The following ABCC6 variants were observed in gnomAD, a reference collection of about 807,000 sequenced individuals.
ABCC6 encodes ATP-binding cassette sub-family C member 6.
In ABCC6, 126 loss-of-function variants were observed where a neutral mutation model predicts 169.5. The observed-to-expected ratio is 0.74, with a 90% CI of 0.64 to 0.86. The LOEUF (loss-of-function observed/expected upper bound fraction) is 0.86, where lower values mean the gene tolerates loss of function less well. ABCC6 is among the 40% of genes least tolerant of loss of function. The pLI is 0.00. For missense variants in ABCC6, 1,733 were observed against 1,927.2 expected (o/e 0.90, Z 1.89); for synonymous variants, 752 against 814.7 (o/e 0.92, Z 1.31).
chr16:16,170,919 C>CAAAA (rs1220574453), intron 21 of ABCC6, among the ~76,000 whole-genome samples: 3 of 22,282 alleles, frequency 1.3e-4, no homozygotes, highest in African/African-American at 4.7e-4. Context: ...AACTCTGTCT[C>CAAAA]AAAAAAAAAA....
Position 16,221,832 on chromosome 16 carries a change from C to T in ABCC6, c.37-1G>A, listed in dbSNP as rs72657702. 18 of 1,612,818 alleles carry T rather than the reference C, an allele frequency of 1.1e-5. No individual in the cohort carries two copies. The highest frequency in any genetic ancestry group is 1.5e-5 in the Non-Finnish European group (18 of 1,179,686). On this transcript the variant is annotated splice_acceptor_variant, in intron 1 of 30. Coordinates refer to ENST00000205557, the MANE Select transcript of ABCC6 (RefSeq NM_001171.6). LOFTEE classifies it high-confidence loss of function. Reference sequence around the variant, plus strand: ...GTTCAGGCTCTGTCTGGTTCCAGACCTGAGGGAACACAAAGAGGACCCTTA... The same window carrying T: ...GTTCAGGCTCTGTCTGGTTCCAGACTTGAGGGAACACAAAGAGGACCCTTA...
In ABCC6 at chr16:16,222,549, A is replaced by AT. The variant is rs780727081; in HGVS notation, c.37-719dup. 9.7e-3 allele frequency among the ~76,000 whole-genome samples: 1,413 copies of AT among 145,966 alleles called. 12 individuals are homozygous for AT. Among genetic ancestry groups the AT allele is most frequent in the Non-Finnish European group, 0.013 (837 of 65,948 alleles). ...TAAGCAGCCTCACCAGGCCTGGCTA[A>AT]TTTTTTTTTTTTATGTTTTGTAGAG... is the stretch of plus-strand genomic sequence containing the variant. On this transcript the variant is annotated intron_variant, in intron 1 of 30. Coordinates refer to ENST00000205557, the MANE Select transcript of ABCC6 (RefSeq NM_001171.6).
At chr16:16,177,685 G>A (rs1009629642) in intron 18 of ABCC6, 59 bp from the exon 19 acceptor site, 5 of 1,598,476 alleles carry the variant, frequency 3.1e-6, no homozygotes, top group Admixed American at 3.3e-5. Flanking sequence ...GCTCATGCCT[G>A]TAATCCCAAC....
In ABCC6 at chr16:16,203,509, A is replaced by G. The variant is rs991363068; in HGVS notation, c.899T>C (p.Leu300Pro). The G allele has an allele frequency of 6.2e-7, 1 of 1,614,000 alleles. No homozygotes were observed. The highest frequency in any genetic ancestry group is 8.5e-7 in the Non-Finnish European group (1 of 1,179,870). The stretch of plus-strand genomic sequence containing the variant: ...ATGGAACACCTGCCAGATGGCCTTC[A>G]GCAGTGGGCGCCACTGGCTCCCTTC... ...RQEGSQWRPLLKAIWQVFHST... is the reference protein window; with the variant it reads ...RQEGSQWRPLPKAIWQVFHST... The change falls in exon 8 of 31, where the codon CTG becomes CCG. Residue 300 changes from leucine (L) to proline (P), a missense_variant. Around this residue, in one of 5 missense-constraint regions of ABCC6, gnomAD observed 1,601 missense variants for 1,635.5 expected, o/e 0.98. Coordinates refer to ENST00000205557, the MANE Select transcript of ABCC6 (RefSeq NM_001171.6).
At chr16:16,205,525 T>C (rs1421991809) in intron 7 of ABCC6, among the ~76,000 whole-genome samples, 2 of 152,054 alleles carry the variant, frequency 1.3e-5, no homozygotes, top group African/African-American at 2.4e-5. Flanking sequence ...ATCTGGTGTT[T>C]GGTTTGGCAT....
In ABCC6 at chr16:16,161,315, G is replaced by C. The variant is rs994247781; in HGVS notation, c.3633+123C>G. On this transcript the variant is annotated intron_variant, in intron 25 of 30. Transcript: ENST00000205557. Reference sequence around the variant, plus strand: ...TTGTAGAGCTGCGTGTCCCTCCTTGGTGGAGGGACTCCACACACCATGTTG... The same window carrying C: ...TTGTAGAGCTGCGTGTCCCTCCTTGCTGGAGGGACTCCACACACCATGTTG... 1.1e-4 allele frequency: 158 copies of C among 1,421,096 alleles called. 1 individual carries two copies. The Admixed American group carries it at 3.0e-3, about 27-fold the overall frequency. The allele number at this position is 1,421,096 out of a possible 1,614,324, so 88.0% of individuals were successfully genotyped here.
At chr16:16,221,361 A>G (rs1194692847) in intron 2 of ABCC6, 11 of 1,421,562 alleles carry the variant, frequency 7.7e-6, no homozygotes, top group Non-Finnish European at 9.2e-6. Flanking sequence ...TCTACATGGT[A>G]TGTTTTGGAA....
chr16:16,183,547 A>G (rs1374585910), intron 15 of ABCC6, among the ~76,000 whole-genome samples: 1 of 152,234 alleles, frequency 6.6e-6, no homozygotes, highest in African/African-American at 2.4e-5. Context: ...CCTGACGATC[A>G]GGAATGACAT....
At chr16:16,164,432 G>A (rs529784240) in intron 23 of ABCC6, among the ~76,000 whole-genome samples, 2 of 152,246 alleles carry the variant, frequency 1.3e-5, no homozygotes, top group South Asian at 2.1e-4. Flanking sequence ...TGATCAGAGA[G>A]GTGGTCACAT....
Position 16,220,660 on chromosome 16 carries a change from C to T in ABCC6, c.220-713G>A, listed in dbSNP as rs193142842. 3.7e-3 allele frequency among the ~76,000 whole-genome samples: 568 copies of T among 152,258 alleles called. 3 individuals are homozygous for T. Among genetic ancestry groups the T allele is most frequent in the African/African-American group, 0.013 (547 of 41,552 alleles). ...CCTGTAATCCCAGCACTTTGGCAGGCCAAGGCAGGCAGATCACCTGAGGTC... is the reference window on the plus strand; with the variant it reads ...CCTGTAATCCCAGCACTTTGGCAGGTCAAGGCAGGCAGATCACCTGAGGTC... On this transcript the variant is annotated intron_variant, in intron 2 of 30. Transcript: ENST00000205557.
At chr16:16,164,305 T>C (rs1268884285) in intron 23 of ABCC6, among the ~76,000 whole-genome samples, 1 of 152,124 alleles carries the variant, frequency 6.6e-6, no homozygotes, top group Non-Finnish European at 1.5e-5. Context: ...GTGCTGTGAT[T>C]AGATGTGTGA....
chr16:16,150,210 C>T lies in ABCC6; in HGVS notation c.4435G>A (p.Glu1479Lys). The change falls in exon 31 of 31, where the codon GAG becomes AAG. Residue 1479 changes from glutamate (E) to lysine (K), a missense_variant. Transcript: ENST00000205557. ...VLVMDKGQVA[E>K]SGSPAQLLAQ... is the part of the protein sequence containing the mutation. ...AGCAGCTGGGCCGGGCTGCCGCTCTCTGCCACCTGCCCCTTGTCCATGACC... is the reference window on the plus strand; with the variant it reads ...AGCAGCTGGGCCGGGCTGCCGCTCTTTGCCACCTGCCCCTTGTCCATGACC... 1 of 1,614,062 alleles carries T rather than the reference C, an allele frequency of 6.2e-7. No individual in the cohort carries two copies. Among genetic ancestry groups the T allele is most frequent in the Non-Finnish European group, 8.5e-7 (1 of 1,180,038 alleles).
chr16:16,221,665 A>T lies in ABCC6; in HGVS notation c.203T>A (p.Leu68His). The change falls in exon 2 of 31, where the codon CTC (leucine) becomes CAC (histidine). Residue 68 changes from leucine (L) to histidine (H), a missense_variant. This residue lies in a region of ABCC6 where 66 missense variants were observed against 69.5 expected (regional missense o/e 0.95). Transcript: ENST00000205557. ...GGCAGCTACCATCTTGGCTTTGAAG[A>T]GTGGGGACATCCGGAGGTAGCCCCG... Reference protein sequence around the residue: ...HGRGYLRMSPLFKAKMVLGFA... With the variant: ...HGRGYLRMSPHFKAKMVLGFA... The T allele has an allele frequency of 6.2e-7, 1 of 1,613,968 alleles. No individual in the cohort carries two copies. The highest frequency in any genetic ancestry group is 8.5e-7 in the Non-Finnish European group (1 of 1,179,860).
intron 20 of ABCC6, among the ~76,000 whole-genome samples, chr16:16,175,410 G>A (rs1052185976): frequency 6.6e-6 from 1 of 152,198 alleles, no homozygotes; most frequent in African/African-American, 2.4e-5. Flanking sequence ...GCTCCACAGT[G>A]AGCCCAGCTG....
At chr16:16,190,047 G>C in intron 12 of ABCC6, 117 bp downstream of exon 12, 3 of 1,046,570 alleles carry the variant, frequency 2.9e-6, no homozygotes, top group South Asian at 1.3e-5. Flanking sequence ...GATCCAGAAT[G>C]AGTGGGTTTT....
intron 25 of ABCC6, among the ~76,000 whole-genome samples, chr16:16,160,625 T>A (rs2046684049): frequency 2.3e-5 from 1 of 44,046 alleles, no homozygotes; most frequent in South Asian, 8.8e-4. Flanking sequence ...AAACTGTTTC[T>A]ACCAAAAAAA....
chr16:16,171,663 T>C (rs2047075035), intron 21 of ABCC6, among the ~76,000 whole-genome samples: 1 of 152,022 alleles, frequency 6.6e-6, no homozygotes, highest in South Asian at 2.1e-4. Context: ...GGTGAGGGAA[T>C]GGTTGGATGT....
chr16:16,192,984 G>A, intron 10 of ABCC6, 62 bp from the exon 11 acceptor site: 1 of 1,409,018 alleles, frequency 7.1e-7, no homozygotes, highest in Non-Finnish European at 1.0e-6. Context: ...AGAGGCACGT[G>A]AACCAGAGCA....
rs757960904 is a variant in ABCC6, at chr16:16,150,712, G to A, written c.4269C>T (p.Leu1423=). ...ARALLRKTQI[L]ILDEATAAVD... The stretch of plus-strand genomic sequence containing the variant: ...CGGCAGCAGTAGCCTCGTCCAGGAT[G>A]AGGATCTGGGTCTTCCGGAGAAGGG... The change falls in exon 30 of 31, where the codon CTC becomes CTT. Residue 1423 remains leucine, a synonymous_variant. Coordinates refer to ENST00000205557, the MANE Select transcript of ABCC6 (RefSeq NM_001171.6). 5 of 1,613,868 alleles carry A rather than the reference G, an allele frequency of 3.1e-6. No homozygotes were observed. Among genetic ancestry groups the A allele is most frequent in the African/African-American group, 2.7e-5 (2 of 74,958 alleles).
Sources: gnomAD v4.1 joint callset for allele counts (sites outside exome capture counted in the v4.1 genomes callset) on GRCh38, gnomAD v4.1.1 for gene constraint, gnomAD v4.1.1 regional missense constraint, MANE v1.5 for transcripts, NCBI Gene and HGNC (gene_info 2026-07-23, HGNC 2026-07-21) for gene names.